The following SBK1 variants were observed in gnomAD, a reference collection of about 807,000 sequenced individuals.
The protein encoded by SBK1 is serine/threonine-protein kinase SBK1.
Under a neutral mutation model 24.4 loss-of-function variants are expected in SBK1, and 11 were observed. That is an observed-to-expected ratio of 0.45 (90% confidence interval 0.28 to 0.75). The LOEUF is 0.75. Ranked by LOEUF, SBK1 falls within the 30% of genes least tolerant of loss-of-function variation. The pLI is 0.12. For synonymous variants in SBK1, 308 were observed against 284.4 expected, an observed-to-expected ratio of 1.08 and a Z score of -0.83; for missense variants, 467 against 620.5, an observed-to-expected ratio of 0.75 and a Z score of 2.63.
At chr16:28,272,778 C>T (rs988553897) in intron 1 of SBK1, among the ~76,000 whole-genome samples, 3 of 151,884 alleles carry the variant, frequency 2.0e-5, no homozygotes, top group Non-Finnish European at 4.4e-5. Context: ...TGCCCCACCA[C>T]GCCTGGCTAA....
At chr16:28,260,084 TTG>T (rs71140958) in intron 1 of SBK1, among the ~76,000 whole-genome samples, 7 of 149,932 alleles carry the variant, frequency 4.7e-5, no homozygotes, top group South Asian at 2.1e-4. Flanking sequence ...GTGTATTTGC[TTG>T]TGTGTGTGTG....
chr16:28,299,700 C>G (rs966649479), intron 1 of SBK1, among the ~76,000 whole-genome samples: 7 of 152,294 alleles, frequency 4.6e-5, no homozygotes, highest in Non-Finnish European at 7.4e-5. Context: ...GTTTCTGAGT[C>G]TGATCGGGTC....
chr16:28,301,746 C>T (rs904772618), intron 1 of SBK1, among the ~76,000 whole-genome samples: 1 of 152,208 alleles, frequency 6.6e-6, no homozygotes, highest in African/African-American at 2.4e-5. Context: ...GATCCAAGGT[C>T]CAGGCCCCTC....
chr16:28,297,669 C>A (rs2044650126), intron 1 of SBK1, among the ~76,000 whole-genome samples: 2 of 152,180 alleles, frequency 1.3e-5, no homozygotes, highest in Admixed American at 6.5e-5. Flanking sequence ...GGGGATTAAG[C>A]AGGCTAAAGA....
chr16:28,280,139 A>ATGTGTGTGTG (rs1312773756), intron 1 of SBK1, among the ~76,000 whole-genome samples: 1 of 58,640 alleles, frequency 1.7e-5, no homozygotes, highest in Non-Finnish European at 4.4e-5. Flanking sequence ...ATATATATAT[A>ATGTGTGTGTG]TATATATATA....
chr16:28,303,051 T>C (rs1332088786), intron 1 of SBK1, among the ~76,000 whole-genome samples: 2 of 150,146 alleles, frequency 1.3e-5, no homozygotes, highest in African/African-American at 2.5e-5. Flanking sequence ...TGAGCTGTGC[T>C]GTGGATATCT....
chr16:28,296,413 T>G (rs2044641208), intron 1 of SBK1, among the ~76,000 whole-genome samples: 1 of 152,066 alleles, frequency 6.6e-6, no homozygotes, highest in Admixed American at 6.6e-5. Context: ...AATTTTTGTA[T>G]TTTGGGTAGA....
intron 2 of SBK1, 52 bp from the exon 3 acceptor site, chr16:28,318,943 G>T: frequency 7.3e-7 from 1 of 1,372,346 alleles, no homozygotes; most frequent in Non-Finnish European, 1.0e-6. Flanking sequence ...TGCATCCAGT[G>T]CGGAGGCACT....
rs1435578669 is a variant in SBK1 at position 28,259,445 on chromosome 16, T to A, written c.200T>A (p.Phe67Tyr). ...GTCGATGATGTGCCGGCCTTCTGCT[T>A]CGTCTGCTTCCACAGGGAGGAGGAA... is the stretch of plus-strand genomic sequence containing the variant. Residue 67 changes from phenylalanine (F) to tyrosine (Y), a missense_variant, in exon 1 of 4, where the codon TTC (phenylalanine) becomes TAC (tyrosine). Physicochemically the swap from Phe to Tyr is conservative, Grantham distance 22 (BLOSUM62 3). Transcript: ENST00000671413. The surrounding 1 kb of genome is among the most constrained non-coding windows in gnomAD (Gnocchi z 6.0). The A allele has an allele frequency of 1.0e-6, 1 of 985,890 alleles. No individual in the cohort carries two copies. Among genetic ancestry groups the A allele is most frequent in the Non-Finnish European group, 1.2e-6 (1 of 830,450 alleles). 61.1% of individuals were successfully genotyped at this position (985,890 alleles called of 1,614,324 possible).
In SBK1 at chr16:28,320,429, C is replaced by A. The variant is rs1207279264; in HGVS notation, c.783C>A (p.Ala261=). 2.5e-6 allele frequency: 4 copies of A among 1,587,516 alleles called. No homozygotes were observed. In the African/African-American group the frequency reaches 5.4e-5, roughly 21 times the overall value. ...GGGAGGCGGCGTCGGGCGCCGACGCCTTCTTCGAGGAGTTCGTGCGCTGGC... is the reference window on the plus strand; with the variant it reads ...GGGAGGCGGCGTCGGGCGCCGACGCATTCTTCGAGGAGTTCGTGCGCTGGC... ...FPWEAASGAD[A]FFEEFVRWQR... is the part of the protein sequence containing the mutation. The change falls in exon 4 of 4, where the codon GCC becomes GCA. Residue 261 remains alanine, a synonymous_variant. Transcript: ENST00000341901. The surrounding 1 kb of genome is among the most constrained non-coding windows in gnomAD (Gnocchi z 8.5).
At chr16:28,309,956 A>G (rs1056432008) in intron 1 of SBK1, among the ~76,000 whole-genome samples, 1 of 152,180 alleles carries the variant, frequency 6.6e-6, no homozygotes, top group Non-Finnish European at 1.5e-5. Context: ...GAGCCAGACG[A>G]TGAGTTGGGT....
At chr16:28,297,475 T>G (rs1226929937) in intron 1 of SBK1, among the ~76,000 whole-genome samples, 1 of 152,072 alleles carries the variant, frequency 6.6e-6, no homozygotes, top group African/African-American at 2.4e-5. Context: ...TGAACACAGG[T>G]CTCCAGCAAC....
At chr16:28,280,891 C>T (rs1477380921) in intron 1 of SBK1, among the ~76,000 whole-genome samples, 1 of 152,122 alleles carries the variant, frequency 6.6e-6, no homozygotes, top group Non-Finnish European at 1.5e-5. Flanking sequence ...TCTCGAACTC[C>T]TGACCTCAGG....
intron 1 of SBK1, among the ~76,000 whole-genome samples, chr16:28,316,816 C>T (rs1362908792): frequency 6.6e-6 from 1 of 152,128 alleles, no homozygotes; most frequent in Non-Finnish European, 1.5e-5. Context: ...GAGGTCGAGG[C>T]TGCAGTGAGC....
At chr16:28,286,504 A>C (rs2044566111) in intron 1 of SBK1, 1 of 151,838 alleles carries the variant, frequency 6.6e-6, no homozygotes, top group Non-Finnish European at 1.5e-5. Context: ...GTGAAACCCC[A>C]TCTCTACTAA....
rs759726727 is a variant in SBK1, at chr16:28,319,703, G to A, written c.430-373G>A. The stretch of plus-strand genomic sequence containing the variant: ...GATGCACGGACACAGCAGGGAACAG[G>A]ACGGGAAGCTCAGGGAGCCCCGTTC... On this transcript the variant is annotated intron_variant, in intron 3 of 3. Transcript: ENST00000341901. This position sits in a 1 kb window ranked among gnomAD's most constrained non-coding sequence, Gnocchi z 4.0. Among the ~76,000 whole-genome samples the A allele has an allele frequency of 5.3e-5, 8 of 152,162 alleles. No homozygotes were observed. Among genetic ancestry groups the A allele is most frequent in the Non-Finnish European group, 1.2e-4 (8 of 68,038 alleles).
chr16:28,296,072 CCCA>C, intron 1 of SBK1, among the ~76,000 whole-genome samples: 1 of 151,008 alleles, frequency 6.6e-6, no homozygotes, highest in South Asian at 2.1e-4. Context: ...ATTACAGATG[CCCA>C]CCACCACATC....
chr16:28,286,461 G>C (rs1249127209), intron 1 of SBK1: 1 of 152,170 alleles, frequency 6.6e-6, no homozygotes, highest in East Asian at 1.9e-4. Flanking sequence ...GATCACCTGA[G>C]GTCAGGAGTT....
intron 1 of SBK1, among the ~76,000 whole-genome samples, chr16:28,314,675 T>C (rs2044780173): frequency 6.6e-6 from 1 of 152,086 alleles, no homozygotes; most frequent in Non-Finnish European, 1.5e-5. Context: ...TGGAGTGACA[T>C]GTCTGGGATT....
Sources: allele counts gnomAD v4.1 joint callset (sites outside exome capture counted in the v4.1 genomes callset), GRCh38; gene constraint gnomAD v4.1.1; non-coding constraint Gnocchi (gnomAD v3.1); transcripts MANE v1.5; gene names NCBI Gene and HGNC (gene_info 2026-07-23, HGNC 2026-07-21).